The following RARB variants were observed in gnomAD, a reference collection of about 807,000 sequenced individuals.
RARB encodes retinoic acid receptor beta, also known as HBV-activated protein.
A neutral mutation model predicts 51.9 loss-of-function variants in RARB; 17 were observed. The ratio of observed to expected loss-of-function variants is 0.33; its 90% confidence interval spans 0.22 to 0.49. RARB has a LOEUF of 0.49. Among genes scored for constraint, RARB ranks in the 20% least tolerant of loss-of-function variants. The pLI is 0.99. For missense variants in RARB, 369 were observed against 550.8 expected (o/e 0.67, Z 3.30); for synonymous variants, 215 against 195.4 (o/e 1.10, Z -0.84).
intron 1 of RARB, among the ~76,000 whole-genome samples, chr3:24,846,030 G>C (rs943716132): frequency 6.6e-6 from 1 of 152,120 alleles, no homozygotes; most frequent in Non-Finnish European, 1.5e-5. Flanking sequence ...ATGCATGCAG[G>C]TTAAAAGACA....
At chr3:24,981,388 G>C (rs1696668213) in intron 2 of RARB, among the ~76,000 whole-genome samples, 1 of 152,176 alleles carries the variant, frequency 6.6e-6, no homozygotes, top group African/African-American at 2.4e-5. Flanking sequence ...GTGGAATCTA[G>C]AGAGGCAGTA....
chr3:25,571,926 A>T (rs1221547331), intron 4 of RARB, among the ~76,000 whole-genome samples: 1 of 152,216 alleles, frequency 6.6e-6, no homozygotes, highest in Non-Finnish European at 1.5e-5. Context: ...CCTGGCCCCC[A>T]TGCTGGGTGC....
chr3:25,383,082 C>T (rs1194346629), intron 5 of RARB, among the ~76,000 whole-genome samples: 2 of 152,138 alleles, frequency 1.3e-5, no homozygotes, highest in Non-Finnish European at 2.9e-5. Context: ...GATGCATCTA[C>T]TATGCAAGTA....
intron 2 of RARB, among the ~76,000 whole-genome samples, chr3:24,992,159 A>G (rs537565254): frequency 6.6e-5 from 10 of 152,098 alleles, no homozygotes; most frequent in African/African-American, 2.2e-4. Context: ...GTCACATCAT[A>G]TATTTATATT....
intron 5 of RARB, among the ~76,000 whole-genome samples, chr3:25,305,453 T>C (rs539360339): frequency 1.1e-4 from 16 of 152,184 alleles, no homozygotes; most frequent in Non-Finnish European, 1.8e-4. Context: ...AACCACAGTT[T>C]GCTTGTTTAA....
intron 2 of RARB, among the ~76,000 whole-genome samples, chr3:24,935,379 C>G (rs1436559551): frequency 2.6e-5 from 4 of 152,148 alleles, no homozygotes; most frequent in Admixed American, 2.6e-4. Context: ...CACACACACC[C>G]ACACTCTCAG....
At chr3:25,169,174 A>G (rs996168931) in intron 4 of RARB, among the ~76,000 whole-genome samples, 4 of 152,208 alleles carry the variant, frequency 2.6e-5, no homozygotes, top group Admixed American at 2.0e-4. Flanking sequence ...CCTCCCACAT[A>G]ACATCCTTCA....
chr3:24,861,127 G>T (rs542296550), intron 2 of RARB, among the ~76,000 whole-genome samples: 4 of 152,162 alleles, frequency 2.6e-5, no homozygotes, highest in Admixed American at 6.5e-5. Context: ...TTTGGTGGGG[G>T]CAGGAAGTAT....
chr3:24,945,692 T>C (rs574632980), intron 2 of RARB, among the ~76,000 whole-genome samples: 1 of 152,366 alleles, frequency 6.6e-6, no homozygotes, highest in East Asian at 1.9e-4. Context: ...ATTTGATTGC[T>C]GAAGCATCTT....
At chr3:24,926,456 A>C (rs1331858352) in intron 2 of RARB, among the ~76,000 whole-genome samples, 3 of 152,120 alleles carry the variant, frequency 2.0e-5, no homozygotes, top group Non-Finnish European at 4.4e-5. Flanking sequence ...GTTGACCCGC[A>C]AATACATCTG....
At chr3:24,872,678 C>T (rs1702970086) in intron 2 of RARB, among the ~76,000 whole-genome samples, 1 of 152,118 alleles carries the variant, frequency 6.6e-6, no homozygotes, top group African/African-American at 2.4e-5. Context: ...CTCATTACCA[C>T]AGGGAGGGCA....
chr3:25,393,583 A>C (rs944568452), intron 5 of RARB, among the ~76,000 whole-genome samples: 19 of 151,968 alleles, frequency 1.3e-4, no homozygotes, highest in African/African-American at 4.3e-4. Context: ...TTGTTCTGTT[A>C]AGAGATTCCA....
At chr3:25,143,365 C>T (rs1485627040) in intron 4 of RARB, among the ~76,000 whole-genome samples, 1 of 152,174 alleles carries the variant, frequency 6.6e-6, no homozygotes, top group East Asian at 1.9e-4. Flanking sequence ...CATTTATCTG[C>T]TGTTTTTCCC....
chr3:25,219,648 C>G (rs770922480), intron 5 of RARB, among the ~76,000 whole-genome samples: 2 of 152,110 alleles, frequency 1.3e-5, no homozygotes, highest in Non-Finnish European at 2.9e-5. Flanking sequence ...GCCCAAACCC[C>G]GTCTTATCAG....
At chr3:24,911,012 T>G (rs2125379170) in intron 2 of RARB, among the ~76,000 whole-genome samples, 1 of 152,380 alleles carries the variant, frequency 6.6e-6, no homozygotes, top group South Asian at 2.1e-4. Context: ...TCCAGCAGAA[T>G]AAATTTCTCT....
chr3:25,145,584 G>T (rs1700175193), intron 4 of RARB, among the ~76,000 whole-genome samples: 1 of 152,192 alleles, frequency 6.6e-6, no homozygotes, highest in Non-Finnish European at 1.5e-5. Context: ...CAGTCTGATT[G>T]TTCCAGTGGA....
intron 2 of RARB, among the ~76,000 whole-genome samples, chr3:25,498,704 G>C (rs1021478250): frequency 2.6e-5 from 4 of 152,218 alleles, no homozygotes; most frequent in East Asian, 1.9e-4. Flanking sequence ...TAAAAATTTG[G>C]TTTTTAATAA....
intron 5 of RARB, among the ~76,000 whole-genome samples, chr3:25,246,728 T>A (rs1702570519): frequency 6.6e-6 from 1 of 152,070 alleles, no homozygotes; most frequent in South Asian, 2.1e-4. Context: ...AGATGCCCAC[T>A]AGAGCTCTCT....
At position 25,035,415 on chromosome 3, in the gene RARB, T is replaced by C. The variant is rs572651174; in HGVS notation, c.-379-24710T>C. Among the ~76,000 whole-genome samples the C allele has an allele frequency of 4.2e-5, 6 of 144,558 alleles. No individual in the cohort carries two copies. The South Asian group carries it at 6.8e-4, about 16-fold the overall frequency. 94.8% of individuals were successfully genotyped at this position (144,558 alleles called of 152,430 possible). A position where few individuals can be genotyped will look rare whatever the true frequency, so the allele number is the denominator to read the frequency against. On this transcript the variant is annotated intron_variant, in intron 2 of 11. Coordinates refer to the RARB transcript ENST00000383772. ...GGAATTACAGTTGTGAGCCGCTGCG[T>C]CCAGCCTTTTTTTTTTTTTTTTTTT...
Sources: allele counts gnomAD v4.1 joint callset (sites outside exome capture counted in the v4.1 genomes callset), GRCh38; gene constraint gnomAD v4.1.1; transcripts MANE v1.5; gene names NCBI Gene and HGNC (gene_info 2026-07-23, HGNC 2026-07-21).